The following NRXN1 variants were observed in gnomAD, a reference collection of about 807,000 sequenced individuals.
NRXN1 encodes neurexin 1, also known as neurexin-1.
Under a neutral mutation model 150.9 loss-of-function variants are expected in NRXN1, and 39 were observed. The ratio of observed to expected loss-of-function variants is 0.26; its 90% CI spans 0.20 to 0.34. The LOEUF is 0.34. Among genes scored for constraint, NRXN1 ranks in the 10% least tolerant of loss-of-function variants. The pLI, the probability that NRXN1 is intolerant of heterozygous loss-of-function variation, is 1.00. For missense variants in NRXN1, 1,815 were observed against 1,949.9 expected (o/e 0.93, Z 1.30); for synonymous variants, 924 against 757.0 (o/e 1.22, Z -3.62).
intron 21 of NRXN1, among the ~76,000 whole-genome samples, chr2:49,965,303 G>A (rs539787713): frequency 4.6e-5 from 7 of 151,906 alleles, no homozygotes; most frequent in African/African-American, 7.3e-5. Flanking sequence ...GTGTGCCTCC[G>A]TCTCCCAGGC....
chr2:50,714,853 G>C (rs994367812), intron 5 of NRXN1, among the ~76,000 whole-genome samples: 1 of 152,038 alleles, frequency 6.6e-6, no homozygotes, highest in Non-Finnish European at 1.5e-5. Context: ...GCTTTCATCT[G>C]TTAAACATAG....
At chr2:50,540,786 C>A (rs1221829927) in intron 9 of NRXN1, among the ~76,000 whole-genome samples, 1 of 152,074 alleles carries the variant, frequency 6.6e-6, no homozygotes, top group African/African-American at 2.4e-5. Flanking sequence ...CGCAGCCTCC[C>A]AAGTAGCTGG....
At chr2:50,246,713 G>A (rs115985742) in intron 17 of NRXN1, among the ~76,000 whole-genome samples, 1 of 128,474 alleles carries the variant, frequency 7.8e-6, no homozygotes, top group Non-Finnish European at 1.7e-5. Flanking sequence ...ACTTCTGCTG[G>A]TTTAGGCTTC....
At chr2:50,421,204 A>G (rs2083970829) in intron 17 of NRXN1, among the ~76,000 whole-genome samples, 1 of 151,930 alleles carries the variant, frequency 6.6e-6, no homozygotes, top group Non-Finnish European at 1.5e-5. Context: ...AAAGTTCAAT[A>G]TTGTGCTTGT....
chr2:50,689,065 G>C (rs980919087), intron 5 of NRXN1, among the ~76,000 whole-genome samples: 10 of 152,084 alleles, frequency 6.6e-5, no homozygotes, highest in African/African-American at 2.2e-4. Flanking sequence ...GCATGAGTCA[G>C]GGGAATCAAT....
chr2:50,213,364 G>A (rs1035149811), intron 18 of NRXN1, among the ~76,000 whole-genome samples: 2 of 151,850 alleles, frequency 1.3e-5, no homozygotes, highest in Non-Finnish European at 2.9e-5. Context: ...AAAGCTATGT[G>A]ACTAAGGATA....
chr2:50,705,078 C>G (rs1056057648), intron 5 of NRXN1, among the ~76,000 whole-genome samples: 20 of 135,976 alleles, frequency 1.5e-4, no homozygotes, highest in Non-Finnish European at 2.9e-4. Context: ...ACACACACAC[C>G]CATCCCCAGG....
chr2:50,255,956 G>T (rs2067659595), intron 17 of NRXN1, among the ~76,000 whole-genome samples: 1 of 152,102 alleles, frequency 6.6e-6, no homozygotes, highest in African/African-American at 2.4e-5. Context: ...GAATACTGAA[G>T]TCACAGTCAT....
intron 8 of NRXN1, among the ~76,000 whole-genome samples, chr2:50,588,096 A>G (rs116525406): frequency 2.0e-4 from 31 of 152,308 alleles, no homozygotes; most frequent in African/African-American, 7.0e-4. Context: ...ATTGTTTCCT[A>G]CATCATACAT....
At chr2:50,311,752 G>A (rs1367187763) in intron 17 of NRXN1, among the ~76,000 whole-genome samples, 1 of 152,032 alleles carries the variant, frequency 6.6e-6, no homozygotes, top group Non-Finnish European at 1.5e-5. Context: ...GAATTCCAGG[G>A]TAGGGAGACT....
rs1162583342 is a variant in NRXN1, at chr2:50,373,657, A to AAGAAAGAAG, written c.3364+91784_3364+91785insCTTCTTTCT. 6.1e-3 allele frequency among the ~76,000 whole-genome samples: 599 copies of AAGAAAGAAG among 98,392 alleles called. 2 individuals are homozygous for AAGAAAGAAG. Among genetic ancestry groups the AAGAAAGAAG allele is most frequent in the East Asian group, 0.021 (44 of 2,130 alleles). The allele number at this position is 98,392 out of a possible 152,430, so 64.5% of individuals were successfully genotyped here. On this transcript the variant is annotated intron_variant, in intron 17 of 22. Transcript: ENST00000401669. ...AAGAAAGAAAGAAAGAAAGAAAGAA[A>AAGAAAGAAG]GAAAGAAAGAAAGAAAGAAAGAAAA...
chr2:49,946,727 T>C lies in NRXN1; in HGVS notation c.4129-2936A>G, dbSNP rs1672973678. Among the ~76,000 whole-genome samples the C allele has an allele frequency of 2.6e-5, 4 of 152,076 alleles. No homozygotes were observed. In the South Asian group the frequency reaches 8.3e-4, roughly 31 times the overall value. ...AGAAAAAACTACTTTATATTTCATATGGAACCAAAAAAGAGCCCATATAGC... is the reference window on the plus strand; with the variant it reads ...AGAAAAAACTACTTTATATTTCATACGGAACCAAAAAAGAGCCCATATAGC... On this transcript the variant is annotated intron_variant, in intron 21 of 22. Coordinates refer to ENST00000401669, the MANE Select transcript of NRXN1 (RefSeq NM_001330078.2).
intron 8 of NRXN1, among the ~76,000 whole-genome samples, chr2:50,593,846 G>C (rs1437711011): frequency 6.6e-6 from 1 of 152,074 alleles, no homozygotes; most frequent in South Asian, 2.1e-4. Context: ...TTAAAGAAAA[G>C]TAACTATCAC....
chr2:50,824,635 C>A (rs1406525477), intron 5 of NRXN1, among the ~76,000 whole-genome samples: 2 of 152,128 alleles, frequency 1.3e-5, no homozygotes, highest in African/African-American at 4.8e-5. Flanking sequence ...AGGCCAGAGG[C>A]ATAGTCAAAG....
chr2:50,964,161 G>C (rs1215085381), intron 2 of NRXN1, among the ~76,000 whole-genome samples: 1 of 151,562 alleles, frequency 6.6e-6, no homozygotes, highest in African/African-American at 2.4e-5. Context: ...TGTCCAGTGA[G>C]TAGAAGGTTT....
intron 18 of NRXN1, among the ~76,000 whole-genome samples, chr2:50,215,864 G>A (rs1335337093): frequency 6.6e-6 from 1 of 152,010 alleles, no homozygotes; most frequent in Middle Eastern, 3.2e-3. Flanking sequence ...ATAGCCTTAT[G>A]CAAAGTGAAT....
chr2:50,815,142 C>G (rs1668747698), intron 5 of NRXN1, among the ~76,000 whole-genome samples: 1 of 151,938 alleles, frequency 6.6e-6, no homozygotes, highest in Non-Finnish European at 1.5e-5. Context: ...TGCACTATTC[C>G]TACTTCATCT....
intron 5 of NRXN1, among the ~76,000 whole-genome samples, chr2:50,907,698 A>G (rs1683919469): frequency 6.6e-6 from 1 of 152,016 alleles, no homozygotes; most frequent in Non-Finnish European, 1.5e-5. Flanking sequence ...TGAAGATGAA[A>G]GAAAGGAGTC....
chr2:50,332,918 C>T (rs971221061), intron 17 of NRXN1, among the ~76,000 whole-genome samples: 26 of 152,056 alleles, frequency 1.7e-4, no homozygotes, highest in African/African-American at 5.3e-4. Context: ...AACTAATAAG[C>T]AACAAAAAAA....
Sources: allele counts gnomAD v4.1 joint callset (sites outside exome capture counted in the v4.1 genomes callset), GRCh38; gene constraint gnomAD v4.1.1; transcripts MANE v1.5; gene names NCBI Gene and HGNC (gene_info 2026-07-23, HGNC 2026-07-21).